Variants in TSHZ2 observed in about 807,000 individuals in gnomAD.
The protein encoded by TSHZ2 is teashirt zinc finger homeobox 2, also known as teashirt homolog 2.
TSHZ2 carries 21 observed loss-of-function variants against 74.4 expected under a neutral mutation model. The observed-to-expected ratio is 0.28, with a 90% CI of 0.20 to 0.41. The LOEUF is 0.41. TSHZ2 is among the 10% of genes least tolerant of loss of function. The pLI is 1.00. For missense variants in TSHZ2, 1,244 were observed against 1,293.5 expected (o/e 0.96, Z 0.59); for synonymous variants, 540 against 515.3 (o/e 1.05, Z -0.65).
chr20:53,355,695 C>T (rs1980819053), intron 2 of TSHZ2, among the ~76,000 whole-genome samples: 1 of 152,156 alleles, frequency 6.6e-6, no homozygotes, highest in Admixed American at 6.5e-5. Flanking sequence ...GGTTGAACAA[C>T]TGAAATTATA....
intron 1 of TSHZ2, among the ~76,000 whole-genome samples, chr20:53,133,670 AATCAACTAAACATCTAGCCATTCCAG>A (rs1479755728): frequency 2.0e-5 from 3 of 152,204 alleles, no homozygotes; most frequent in Non-Finnish European, 4.4e-5. Flanking sequence ...AACTAATAAA[AATCAACTAAACATCTAGCCATTCCAG>A]TGAATTCTAT....
chr20:53,005,742 G>A (rs2122978913), intron 1 of TSHZ2, among the ~76,000 whole-genome samples: 1 of 152,252 alleles, frequency 6.6e-6, no homozygotes, highest in East Asian at 1.9e-4. Context: ...CTCTCTCCAA[G>A]TACTGGCTCT....
intron 1 of TSHZ2, among the ~76,000 whole-genome samples, chr20:53,167,227 C>T (rs1988084455): frequency 6.6e-6 from 1 of 152,222 alleles, no homozygotes; most frequent in South Asian, 2.1e-4. Context: ...TATGACTATG[C>T]TGTCTGTGGA....
intron 1 of TSHZ2, among the ~76,000 whole-genome samples, chr20:53,159,427 A>G (rs1987874385): frequency 6.6e-6 from 1 of 152,208 alleles, no homozygotes; most frequent in African/African-American, 2.4e-5. Flanking sequence ...AGTAGGTGCT[A>G]CAGAGACCAT....
At chr20:53,089,068 G>T (rs1016314681) in intron 1 of TSHZ2, among the ~76,000 whole-genome samples, 2 of 151,702 alleles carry the variant, frequency 1.3e-5, no homozygotes. Context: ...CCTCCTCCTC[G>T]CCCCTGGCGC....
intron 1 of TSHZ2, among the ~76,000 whole-genome samples, chr20:53,115,782 G>C (rs1298616784): frequency 1.3e-5 from 2 of 152,124 alleles, no homozygotes; most frequent in African/African-American, 4.8e-5. Flanking sequence ...ATTCCAGGCA[G>C]GTGAGCAGTT....
chr20:53,247,885 A>G (rs916302657), intron 1 of TSHZ2, among the ~76,000 whole-genome samples: 5 of 152,186 alleles, frequency 3.3e-5, no homozygotes, highest in African/African-American at 1.2e-4. Flanking sequence ...TAAAACTGTC[A>G]GTGTTTTTAC....
intron 1 of TSHZ2, among the ~76,000 whole-genome samples, chr20:53,108,775 C>T (rs1986450173): frequency 6.6e-6 from 1 of 152,194 alleles, no homozygotes; most frequent in South Asian, 2.1e-4. Flanking sequence ...ATCTGTATCA[C>T]ATCCTCAAGA....
rs3070082 is a variant in TSHZ2 at position 53,147,710 on chromosome 20, A to ATTTTGTTTTG, written c.41-105773_41-105764dup. ...CATGCATAAAATAAGTGGTGGGTCT[A>ATTTTGTTTTG]TTTTGTTTTGTTTTGTTTTGTTTTG... On this transcript the variant is annotated intron_variant, in intron 1 of 2. Transcript: ENST00000371497. 2.0e-5 allele frequency among the ~76,000 whole-genome samples: 3 copies of ATTTTGTTTTG among 151,928 alleles called. No homozygotes were observed. In the South Asian group the frequency reaches 6.3e-4, roughly 32 times the overall value.
At chr20:53,409,979 T>G (rs1360250522) in intron 2 of TSHZ2, among the ~76,000 whole-genome samples, 1 of 151,176 alleles carries the variant, frequency 6.6e-6, no homozygotes, top group African/African-American at 2.4e-5. Flanking sequence ...CTTGAGTACC[T>G]GGGATTACAG....
chr20:53,469,042 A>AT (rs763838684), intron 2 of TSHZ2, among the ~76,000 whole-genome samples: 7 of 17,628 alleles, frequency 4.0e-4, no homozygotes, highest in East Asian at 2.2e-3. Context: ...TGAAATCGAT[A>AT]TTTTATATAT....
intron 2 of TSHZ2, among the ~76,000 whole-genome samples, chr20:53,289,819 C>A (rs1600792177): frequency 6.6e-6 from 1 of 152,154 alleles, no homozygotes; most frequent in African/African-American, 2.4e-5. Context: ...AAACCATGAT[C>A]AAACAATCAT....
intron 2 of TSHZ2, among the ~76,000 whole-genome samples, chr20:53,396,280 C>T (rs1375130657): frequency 6.6e-6 from 1 of 152,206 alleles, no homozygotes; most frequent in African/African-American, 2.4e-5. Flanking sequence ...ATCCAGCTCA[C>T]ATGTACGTAT....
chr20:52,978,548 A>G (rs1218297964), intron 1 of TSHZ2, among the ~76,000 whole-genome samples: 1 of 152,188 alleles, frequency 6.6e-6, no homozygotes, highest in African/African-American at 2.4e-5. Context: ...ATTCTATATT[A>G]AGACCAGGCA....
intron 1 of TSHZ2, among the ~76,000 whole-genome samples, chr20:53,216,057 A>T (rs1015153577): frequency 1.3e-5 from 2 of 152,166 alleles, no homozygotes; most frequent in African/African-American, 2.4e-5. Context: ...CTTCTTCCCC[A>T]GTCAAATTCC....
intron 1 of TSHZ2, among the ~76,000 whole-genome samples, chr20:53,205,191 C>T (rs1042342730): frequency 2.6e-5 from 4 of 151,932 alleles, no homozygotes; most frequent in African/African-American, 7.3e-5. Context: ...ATAATAAAGC[C>T]CGAGCAATTA....
intron 1 of TSHZ2, among the ~76,000 whole-genome samples, chr20:53,231,482 C>T (rs1397577402): frequency 2.0e-5 from 3 of 152,104 alleles, no homozygotes; most frequent in Non-Finnish European, 4.4e-5. Context: ...GCCACTGAAC[C>T]CAAGCCATGA....
chr20:53,035,057 G>T (rs1326090899), intron 1 of TSHZ2, among the ~76,000 whole-genome samples: 1 of 152,144 alleles, frequency 6.6e-6, no homozygotes, highest in African/African-American at 2.4e-5. Context: ...GGTGAGGGAG[G>T]CATGAACGAC....
At position 53,469,758 on chromosome 20, in the gene TSHZ2, T is replaced by TAGAGAAAG. The variant is rs1555872503; in HGVS notation, c.*9-17381_*9-17380insAAGAGAGA. On this transcript the variant is annotated intron_variant, in intron 2 of 2. Transcript: ENST00000371497. ...GAAGGAAGGAAGGACCCAAGAAAGA[T>TAGAGAAAG]AGAGAGGGAGGAAGGGAGGGAGGGA... Among the ~76,000 whole-genome samples, 75 of 32,320 alleles carry TAGAGAAAG rather than the reference T, an allele frequency of 2.3e-3. 2 individuals carry two copies. The South Asian group carries it at 0.057, about 25-fold the overall frequency. The allele number at this position is 32,320 out of a possible 152,430, so 21.2% of individuals were successfully genotyped here.
Sources: gnomAD v4.1 joint callset for allele counts (sites outside exome capture counted in the v4.1 genomes callset) on GRCh38, gnomAD v4.1.1 for gene constraint, MANE v1.5 for transcripts, NCBI Gene and HGNC (gene_info 2026-07-23, HGNC 2026-07-21) for gene names.